Variants in HDAC9 observed in about 807,000 individuals in gnomAD.
The protein encoded by HDAC9 is histone deacetylase 9.
A neutral mutation model predicts 139.4 loss-of-function variants in HDAC9; 41 were observed. That is an observed-to-expected ratio of 0.29 (90% CI 0.23 to 0.38). The LOEUF is 0.38. Among genes scored for constraint, HDAC9 ranks in the 10% least tolerant of loss-of-function variants. The pLI, the probability that HDAC9 is intolerant of heterozygous loss-of-function variation, is 1.00. For missense variants in HDAC9, 1,147 were observed against 1,297.0 expected (o/e 0.88, Z 1.78); for synonymous variants, 517 against 476.2 (o/e 1.09, Z -1.12).
At chr7:18,088,149 A>C (rs1043540166) in intron 1 of HDAC9, 1 of 152,314 alleles carries the variant, frequency 6.6e-6, no homozygotes, top group Admixed American at 6.5e-5. Context: ...TAGCATTTTG[A>C]AATCCTATAA....
At chr7:18,264,360 A>C (rs1432522770) in intron 2 of HDAC9, among the ~76,000 whole-genome samples, 1 of 152,228 alleles carries the variant, frequency 6.6e-6, no homozygotes, top group African/African-American at 2.4e-5. Flanking sequence ...AAATTAAAAA[A>C]AATAAGAATT....
In HDAC9 at chr7:18,743,665, GA is replaced by G. The variant is rs1303059324; in HGVS notation, c.1910-5339del. On this transcript the variant is annotated intron_variant, in intron 13 of 25. Coordinates refer to ENST00000686413, the MANE Select transcript of HDAC9 (RefSeq NM_178425.4). The stretch of plus-strand genomic sequence containing the variant: ...AAACTGCACTTCAGCCTAGGTGACA[GA>G]GTGAGAACCTGTCTCTAAAAACATA... Among the ~76,000 whole-genome samples the G allele has an allele frequency of 2.0e-5, 3 of 149,168 alleles. No individual in the cohort carries two copies. In the East Asian group the frequency reaches 5.8e-4, roughly 29 times the overall value.
chr7:18,654,175 A>T lies in HDAC9; in HGVS notation c.1467+5492A>T, dbSNP rs546887207. ...AGTTATACTTCATATTCTCAAACAG[A>T]TACTTTATATTAGCTGTATTCTAAT... On this transcript the variant is annotated intron_variant, in intron 11 of 25. Transcript: ENST00000686413. 7.9e-5 allele frequency among the ~76,000 whole-genome samples: 12 copies of T among 152,310 alleles called. No individual in the cohort carries two copies. In the East Asian group the frequency reaches 2.1e-3, roughly 27 times the overall value.
chr7:18,661,398 G>A (rs1793087681), intron 11 of HDAC9, among the ~76,000 whole-genome samples: 1 of 152,050 alleles, frequency 6.6e-6, no homozygotes, highest in Non-Finnish European at 1.5e-5. Context: ...TAAGTACGCA[G>A]CTAACTATGC....
chr7:18,235,194 C>G (rs187046618), intron 2 of HDAC9, among the ~76,000 whole-genome samples: 8 of 152,056 alleles, frequency 5.3e-5, no homozygotes, highest in Admixed American at 5.2e-4. Context: ...ATATGTTTTG[C>G]TTAAATGAAA....
At chr7:18,473,014 C>G (rs1705073318) in intron 1 of HDAC9, among the ~76,000 whole-genome samples, 1 of 152,180 alleles carries the variant, frequency 6.6e-6, no homozygotes, top group Non-Finnish European at 1.5e-5. Context: ...GATAGACTCA[C>G]CTGTCTGGGA....
chr7:18,284,265 A>AAC (rs1797292022), intron 2 of HDAC9, among the ~76,000 whole-genome samples: 1 of 152,270 alleles, frequency 6.6e-6, no homozygotes, highest in African/African-American at 2.4e-5. Flanking sequence ...TGGTATTTAC[A>AAC]ACACACATAT....
At chr7:18,987,273 A>G (rs969357848) in intron 25 of HDAC9, among the ~76,000 whole-genome samples, 3 of 152,232 alleles carry the variant, frequency 2.0e-5, no homozygotes, top group Non-Finnish European at 4.4e-5. Flanking sequence ...AGTTTTTAGC[A>G]TGAAGGTTGT....
chr7:18,609,372 A>C (rs1836453541), intron 6 of HDAC9, among the ~76,000 whole-genome samples: 1 of 152,180 alleles, frequency 6.6e-6, no homozygotes, highest in Admixed American at 6.5e-5. Context: ...ATTTGAATCT[A>C]AGTTTAAAAA....
chr7:18,349,329 C>CAA (rs2128671449), intron 1 of HDAC9, among the ~76,000 whole-genome samples: 1 of 150,506 alleles, frequency 6.6e-6, no homozygotes, highest in South Asian at 2.1e-4. Flanking sequence ...CACACACACA[C>CAA]ACACACACAC....
chr7:18,438,641 T>TGTGC (rs1554417455), intron 1 of HDAC9, among the ~76,000 whole-genome samples: 33 of 58,576 alleles, frequency 5.6e-4, no homozygotes, highest in African/African-American at 2.0e-3. Context: ...ATATGCTGTG[T>TGTGC]GTGCGTGTGT....
At chr7:18,117,747 C>G (rs1381685816) in intron 1 of HDAC9, among the ~76,000 whole-genome samples, 2 of 152,080 alleles carry the variant, frequency 1.3e-5, no homozygotes, top group African/African-American at 2.4e-5. Flanking sequence ...AGACTTCTGG[C>G]CTTGAGAACT....
intron 1 of HDAC9, among the ~76,000 whole-genome samples, chr7:18,347,411 C>A (rs976395271): frequency 1.3e-5 from 2 of 152,000 alleles, no homozygotes; most frequent in African/African-American, 4.8e-5. Flanking sequence ...ATAATGAGTC[C>A]ATGCAGAAAG....
Position 18,647,935 on chromosome 7 carries a change from C to G in HDAC9, c.1186C>G (p.Gln396Glu). 1 of 1,612,828 alleles carries G rather than the reference C, an allele frequency of 6.2e-7. No individual in the cohort carries two copies. The highest frequency in any genetic ancestry group is 8.5e-7 in the Non-Finnish European group (1 of 1,179,416). Residue 396 changes from glutamine to glutamate, a missense_variant, in exon 10 of 26, where the codon CAG becomes GAG. Around this residue, in one of 7 missense-constraint regions of HDAC9, gnomAD observed 264 missense variants for 273.8 expected, o/e 0.96. Coordinates refer to ENST00000686413, the MANE Select transcript of HDAC9 (RefSeq NM_178425.4). Reference protein sequence around the residue: ...LEGKPPNSSHQALLQHLLLKE... With the variant: ...LEGKPPNSSHEALLQHLLLKE... The stretch of plus-strand genomic sequence containing the variant: ...GGGAAAGCCACCCAACAGCAGCCAC[C>G]AGGCTCTCCTGCAGCATTTATTATT...
chr7:18,792,702 A>G (rs1792432186), intron 16 of HDAC9, among the ~76,000 whole-genome samples: 1 of 152,208 alleles, frequency 6.6e-6, no homozygotes, highest in South Asian at 2.1e-4. Flanking sequence ...TTATACTGAA[A>G]GTTAGAAATC....
At chr7:18,462,396 T>A (rs1321519318) in intron 1 of HDAC9, among the ~76,000 whole-genome samples, 1 of 152,082 alleles carries the variant, frequency 6.6e-6, no homozygotes, top group Non-Finnish European at 1.5e-5. Context: ...AACCTTTATT[T>A]ATTTATTTTC....
At chr7:18,882,860 T>C (rs1412061500) in intron 22 of HDAC9, among the ~76,000 whole-genome samples, 1 of 152,116 alleles carries the variant, frequency 6.6e-6, no homozygotes, top group East Asian at 1.9e-4. Context: ...TGTTTCAGAC[T>C]CCTGTTTGAA....
At chr7:18,550,181 A>G (rs1434768141) in intron 2 of HDAC9, among the ~76,000 whole-genome samples, 1 of 152,226 alleles carries the variant, frequency 6.6e-6, no homozygotes, top group African/African-American at 2.4e-5. Context: ...AACCTAAAGC[A>G]GAGAAAGTTA....
chr7:18,258,882 T>C (rs962574613), intron 2 of HDAC9, among the ~76,000 whole-genome samples: 4 of 151,772 alleles, frequency 2.6e-5, no homozygotes, highest in Middle Eastern at 6.3e-3. Context: ...TGTTTTTAGT[T>C]AATATAAACT....
Sources: gnomAD v4.1 joint callset for allele counts (sites outside exome capture counted in the v4.1 genomes callset) on GRCh38, gnomAD v4.1.1 for gene constraint, gnomAD v4.1.1 regional missense constraint, MANE v1.5 for transcripts, NCBI Gene and HGNC (gene_info 2026-07-23, HGNC 2026-07-21) for gene names.